Variants in ARHGAP15 observed in about 807,000 individuals in gnomAD.
ARHGAP15 encodes the protein Rho GTPase activating protein 15, also known as rho GTPase-activating protein 15.
Under a neutral mutation model 63.7 loss-of-function variants are expected in ARHGAP15, and 51 were observed. The observed-to-expected ratio is 0.80, with a 90% CI of 0.64 to 1.01. The LOEUF (loss-of-function observed/expected upper bound fraction) is 1.01. Ranked by LOEUF, ARHGAP15 falls within the 50% of genes least tolerant of loss-of-function variation. The pLI is 0.00. For missense variants in ARHGAP15, 560 were observed against 564.6 expected (o/e 0.99, Z 0.08); for synonymous variants, 191 against 193.8 (o/e 0.99, Z 0.12).
intron 12 of ARHGAP15, among the ~76,000 whole-genome samples, chr2:143,679,658 T>TGTGC (rs1683005028): frequency 6.2e-5 from 1 of 16,240 alleles, no homozygotes; most frequent in African/African-American, 1.0e-4. Flanking sequence ...TGTGTGCGTG[T>TGTGC]GTGTGTGTGT....
At chr2:143,377,490 T>A (rs1435285841) in intron 6 of ARHGAP15, among the ~76,000 whole-genome samples, 1 of 152,002 alleles carries the variant, frequency 6.6e-6, no homozygotes, top group Non-Finnish European at 1.5e-5. Flanking sequence ...CATATTTTTC[T>A]GCCTTTATTT....
At chr2:143,630,763 C>A (rs1699033025) in intron 12 of ARHGAP15, among the ~76,000 whole-genome samples, 1 of 152,112 alleles carries the variant, frequency 6.6e-6, no homozygotes, top group Admixed American at 6.5e-5. Flanking sequence ...TCCTTCCCAC[C>A]CTTTCCTTAA....
chr2:143,561,195 G>A (rs1696005147), intron 11 of ARHGAP15, among the ~76,000 whole-genome samples: 1 of 152,184 alleles, frequency 6.6e-6, no homozygotes, highest in African/African-American at 2.4e-5. Context: ...ACTTGGGTTT[G>A]AGCTGCCCAT....
chr2:143,741,442 C>T (rs1002761984), intron 13 of ARHGAP15: 2 of 152,244 alleles, frequency 1.3e-5, no homozygotes, highest in South Asian at 4.2e-4. Context: ...TATGTGATCC[C>T]CCCAAAAAGG....
chr2:143,409,532 G>C (rs1472594479), intron 6 of ARHGAP15, among the ~76,000 whole-genome samples: 3 of 151,820 alleles, frequency 2.0e-5, no homozygotes, highest in African/African-American at 7.3e-5. Flanking sequence ...CATAGTATAA[G>C]CTCTCTGAAA....
chr2:143,213,554 C>A (rs1371017895), intron 3 of ARHGAP15, among the ~76,000 whole-genome samples: 1 of 152,098 alleles, frequency 6.6e-6, no homozygotes, highest in African/African-American at 2.4e-5. Context: ...AAAATAAACA[C>A]CTGATCTCAG....
At chr2:143,144,783 C>A (rs948354230) in intron 1 of ARHGAP15, among the ~76,000 whole-genome samples, 18 of 151,950 alleles carry the variant, frequency 1.2e-4, no homozygotes, top group African/African-American at 4.3e-4. Context: ...ACTTTCATTC[C>A]CAGGAAAATT....
intron 1 of ARHGAP15, among the ~76,000 whole-genome samples, chr2:143,143,613 G>A (rs1170971733): frequency 2.7e-5 from 4 of 148,176 alleles, no homozygotes; most frequent in Admixed American, 2.0e-4. Context: ...ACCACCTCAG[G>A]GCTAAATCAT....
At chr2:143,625,294 G>A (rs929295589) in intron 12 of ARHGAP15, among the ~76,000 whole-genome samples, 3 of 152,032 alleles carry the variant, frequency 2.0e-5, no homozygotes, top group Non-Finnish European at 4.4e-5. Context: ...TGGAGATTTG[G>A]GGGTCCTGTG....
At chr2:143,721,281 G>T (rs1263201206) in intron 13 of ARHGAP15, among the ~76,000 whole-genome samples, 1 of 152,104 alleles carries the variant, frequency 6.6e-6, no homozygotes, top group Non-Finnish European at 1.5e-5. Flanking sequence ...TTAACATGGG[G>T]TTTGACACCC....
chr2:143,564,354 G>A (rs1002734742), intron 11 of ARHGAP15, among the ~76,000 whole-genome samples: 1 of 152,118 alleles, frequency 6.6e-6, no homozygotes, highest in Middle Eastern at 3.2e-3. Flanking sequence ...ACAAGAAAGG[G>A]GGGATAATTA....
chr2:143,131,778 A>G (rs1204334990), intron 1 of ARHGAP15, among the ~76,000 whole-genome samples: 2 of 152,198 alleles, frequency 1.3e-5, no homozygotes, highest in African/African-American at 2.4e-5. Flanking sequence ...ACAGGGCCCA[A>G]AGGATTAGCT....
At chr2:143,200,205 C>A (rs1204459677) in intron 2 of ARHGAP15, among the ~76,000 whole-genome samples, 1 of 152,110 alleles carries the variant, frequency 6.6e-6, no homozygotes, top group Non-Finnish European at 1.5e-5. Context: ...TCTGGCCCTG[C>A]TTTCTGGAGT....
intron 3 of ARHGAP15, among the ~76,000 whole-genome samples, chr2:143,211,138 G>A (rs539171724): frequency 2.0e-5 from 3 of 151,984 alleles, no homozygotes; most frequent in South Asian, 4.2e-4. Context: ...TGAGTTCGCC[G>A]GTAATGAGCA....
chr2:143,587,980 T>A (rs1281730852), intron 11 of ARHGAP15, among the ~76,000 whole-genome samples: 1 of 152,206 alleles, frequency 6.6e-6, no homozygotes, highest in Non-Finnish European at 1.5e-5. Context: ...GATTTAACAA[T>A]GTTTTCTTTC....
intron 11 of ARHGAP15, among the ~76,000 whole-genome samples, chr2:143,612,523 G>T (rs1230092974): frequency 6.6e-6 from 1 of 152,152 alleles, no homozygotes; most frequent in East Asian, 1.9e-4. Flanking sequence ...CATTGTGTGG[G>T]AGACGTTTCA....
intron 10 of ARHGAP15, among the ~76,000 whole-genome samples, chr2:143,551,760 TAATTA>T (rs1695573834): frequency 6.6e-6 from 1 of 152,138 alleles, no homozygotes; most frequent in African/African-American, 2.4e-5. Flanking sequence ...AAATTAACAA[TAATTA>T]AATTAAAATG....
At chr2:143,258,295 C>A (rs1014415858) in intron 6 of ARHGAP15, among the ~76,000 whole-genome samples, 3 of 151,966 alleles carry the variant, frequency 2.0e-5, no homozygotes, top group African/African-American at 7.2e-5. Context: ...CCACAAGCCA[C>A]TGAGCAGGAG....
intron 6 of ARHGAP15, among the ~76,000 whole-genome samples, chr2:143,317,192 T>C (rs1683760223): frequency 7.3e-6 from 1 of 137,824 alleles, no homozygotes; most frequent in Admixed American, 7.3e-5. Context: ...CACTTTGTCT[T>C]TCTTGTCCCC....
Sources: allele counts gnomAD v4.1 joint callset (sites outside exome capture counted in the v4.1 genomes callset), GRCh38; gene constraint gnomAD v4.1.1; transcripts MANE v1.5; gene names NCBI Gene and HGNC (gene_info 2026-07-23, HGNC 2026-07-21).